EFCAB8: variants seen among roughly 807,000 people sequenced by gnomAD.
EFCAB8 encodes the protein EF-hand calcium binding domain 8.
Under a neutral mutation model 116.3 loss-of-function variants are expected in EFCAB8, and 100 were observed. That is an observed-to-expected ratio of 0.86 (90% confidence interval 0.73 to 1.02). The LOEUF (loss-of-function observed/expected upper bound fraction) is 1.02, where lower values mean the gene tolerates loss of function less well. Among genes scored for constraint, EFCAB8 ranks in the 50% least tolerant of loss-of-function variants. The probability of loss-of-function intolerance (pLI) is 0.00; values close to 1 mark genes in which losing one functional copy is unlikely to be tolerated. For missense variants in EFCAB8, 1,320 were observed against 1,416.9 expected, an observed-to-expected ratio of 0.93 and a Z score of 1.10; for synonymous variants, 558 against 567.9, an observed-to-expected ratio of 0.98 and a Z score of 0.25.
rs1476840887 is a variant in EFCAB8, at chr20:32,874,157, GCCTTC to G, written c.209-1768_209-1764del. ...CCTGGTCTCAAACTCCTGGGCTCAA[GCCTTC>G]TGCCCACCTCAGCCTCCCAAAGTAC... On this transcript the variant is annotated intron_variant, in intron 3 of 26. Transcript: ENST00000400522. 2.4e-3 allele frequency among the ~76,000 whole-genome samples: 362 copies of G among 152,156 alleles called. 2 individuals are homozygous for G. The highest frequency in any genetic ancestry group is 8.4e-3 in the African/African-American group (348 of 41,446).
At chr20:32,937,749 G>C (rs1347420680) in intron 22 of EFCAB8, among the ~76,000 whole-genome samples, 4 of 132,754 alleles carry the variant, frequency 3.0e-5, no homozygotes, top group Non-Finnish European at 6.7e-5. Flanking sequence ...CTCCCGAGTA[G>C]CTGGGATTAC....
Position 32,908,369 on chromosome 20 carries a change from A to G in EFCAB8, c.1403A>G (p.Tyr468Cys). ...GGAAACTGCCCCATCACCAGTGCCT[A>G]CTTCTTCGAGAAGGACAATACCCTC... is the stretch of plus-strand genomic sequence containing the variant. ...ALGNCPITSA[Y>C]FFEKDNTLIC... The change falls in exon 14 of 27, where the codon TAC (tyrosine) becomes TGC (cysteine). Residue 468 changes from tyrosine (Y) to cysteine (C), a missense_variant. By Grantham distance (194) the Tyr-to-Cys change is radical (BLOSUM62 -2). Transcript: ENST00000400522. The G allele has an allele frequency of 2.4e-6, 3 of 1,249,914 alleles. No homozygotes were observed. Among genetic ancestry groups the G allele is most frequent in the African/African-American group, 1.5e-5 (1 of 64,598 alleles). The allele number at this position is 1,249,914 out of a possible 1,614,324, so 77.4% of individuals were successfully genotyped here. A position where few individuals can be genotyped will look rare whatever the true frequency, so the allele number is the denominator to read the frequency against.
intron 23 of EFCAB8, among the ~76,000 whole-genome samples, chr20:32,947,915 A>G (rs944957804): frequency 2.0e-5 from 3 of 151,452 alleles, no homozygotes; most frequent in Non-Finnish European, 4.4e-5. Context: ...AAAAAAAAAA[A>G]AAAGAAAAAA....
chr20:32,875,445 C>G (rs959573954), intron 3 of EFCAB8, among the ~76,000 whole-genome samples: 2 of 150,044 alleles, frequency 1.3e-5, no homozygotes, highest in Admixed American at 1.4e-4. Flanking sequence ...AGCTGAGGAC[C>G]GTAGGGGAGG....
At chr20:32,895,732 C>A (rs555240852) in intron 9 of EFCAB8, among the ~76,000 whole-genome samples, 1 of 151,894 alleles carries the variant, frequency 6.6e-6, no homozygotes, top group African/African-American at 2.4e-5. Context: ...CCACCATGCC[C>A]GGCTAATTTT....
intron 2 of EFCAB8, among the ~76,000 whole-genome samples, chr20:32,865,651 T>A (rs896554339): frequency 1.5e-4 from 23 of 151,856 alleles, no homozygotes; most frequent in African/African-American, 5.3e-4. Context: ...TACAAAAAAT[T>A]AGCCAGGCGT....
At chr20:32,912,443 AAAG>A (rs1377368296) in intron 16 of EFCAB8, among the ~76,000 whole-genome samples, 4 of 130,242 alleles carry the variant, frequency 3.1e-5, no homozygotes, top group East Asian at 4.0e-4. Context: ...AAAAAAAAAA[AAAG>A]AAGAAGAAGA....
intron 3 of EFCAB8, among the ~76,000 whole-genome samples, chr20:32,869,746 A>G (rs1003495965): frequency 6.6e-6 from 1 of 152,172 alleles, no homozygotes; most frequent in Non-Finnish European, 1.5e-5. Flanking sequence ...GTATGTTTTC[A>G]TATGTCTTTA....
chr20:32,872,397 T>C (rs758166049), intron 3 of EFCAB8, among the ~76,000 whole-genome samples: 7 of 152,078 alleles, frequency 4.6e-5, no homozygotes, highest in Non-Finnish European at 1.0e-4. Context: ...AGGGGACCAA[T>C]GTTTGTTGAA....
intron 1 of EFCAB8, among the ~76,000 whole-genome samples, chr20:32,861,984 G>C (rs1168207422): frequency 6.6e-6 from 1 of 152,072 alleles, no homozygotes; most frequent in Non-Finnish European, 1.5e-5. Flanking sequence ...TTCAGTGGCT[G>C]TTTCTTTCCC....
intron 3 of EFCAB8, among the ~76,000 whole-genome samples, chr20:32,875,291 G>A (rs1984903490): frequency 1.3e-5 from 2 of 152,076 alleles, no homozygotes; most frequent in Admixed American, 1.3e-4. Flanking sequence ...GCCTGGGGTG[G>A]CTGGGGTGGA....
At chr20:32,867,292 G>GA (rs1330156164) in intron 2 of EFCAB8, among the ~76,000 whole-genome samples, 1 of 152,142 alleles carries the variant, frequency 6.6e-6, no homozygotes, top group Non-Finnish European at 1.5e-5. Context: ...CCTTATAAAT[G>GA]AACACCCCAT....
intron 6 of EFCAB8, among the ~76,000 whole-genome samples, chr20:32,886,130 C>G (rs750393847): frequency 4.6e-5 from 7 of 152,228 alleles, no homozygotes; most frequent in Non-Finnish European, 8.8e-5. Context: ...CACCTGCAAG[C>G]TCTGTGACCT....
chr20:32,921,831 CTTTTTTT>C (rs11483441), intron 20 of EFCAB8, among the ~76,000 whole-genome samples: 2 of 130,224 alleles, frequency 1.5e-5, no homozygotes, highest in African/African-American at 5.8e-5. Context: ...TTACCTTATT[CTTTTTTT>C]TTTTTTTTTT....
chr20:32,909,434 T>G lies in EFCAB8; in HGVS notation c.1447-387T>G, dbSNP rs1347997805. Among the ~76,000 whole-genome samples, 5 of 152,072 alleles carry G rather than the reference T, an allele frequency of 3.3e-5. No homozygotes were observed. In the East Asian group the frequency reaches 9.6e-4, roughly 29 times the overall value. ...TAATTTCGGTAGAAAGTGCTATGTG[T>G]TATGGTAGAGTTGTGCTTTTTGGAG... On this transcript the variant is annotated intron_variant, in intron 14 of 26. Coordinates refer to ENST00000400522, the MANE Select transcript of EFCAB8 (RefSeq NM_001143967.2).
At chr20:32,899,368 G>A (rs1986319303) in intron 11 of EFCAB8, among the ~76,000 whole-genome samples, 1 of 142,792 alleles carries the variant, frequency 7.0e-6, no homozygotes, top group Admixed American at 7.3e-5. Context: ...TTGCGCCACT[G>A]CACTCCAGCC....
chr20:32,878,183 T>C (rs952089276), intron 4 of EFCAB8, among the ~76,000 whole-genome samples: 84 of 152,164 alleles, frequency 5.5e-4, no homozygotes, highest in African/African-American at 1.8e-3. Flanking sequence ...GGAGGATCAC[T>C]TGAGCCTGGG....
At chr20:32,866,861 CTT>C (rs927135937) in intron 2 of EFCAB8, among the ~76,000 whole-genome samples, 3 of 142,620 alleles carry the variant, frequency 2.1e-5, no homozygotes, top group African/African-American at 5.2e-5. Context: ...TTCTCTCTCT[CTT>C]TCTTTCTTTC....
chr20:32,960,636 T>C (rs1157311028), intron 26 of EFCAB8, among the ~76,000 whole-genome samples: 5 of 152,198 alleles, frequency 3.3e-5, no homozygotes, highest in African/African-American at 4.8e-5. Context: ...AAGAGCAGAT[T>C]TGAGCTCCAG....
Sources: allele counts gnomAD v4.1 joint callset (sites outside exome capture counted in the v4.1 genomes callset), GRCh38; gene constraint gnomAD v4.1.1; transcripts MANE v1.5; gene names NCBI Gene and HGNC (gene_info 2026-07-23, HGNC 2026-07-21).